Variants in PLEKHA5 observed in about 807,000 individuals in gnomAD.
PLEKHA5 encodes the protein pleckstrin homology domain-containing family A member 5.
Under a neutral mutation model 181.9 loss-of-function variants are expected in PLEKHA5, and 55 were observed. The ratio of observed to expected loss-of-function variants is 0.30; its 90% CI spans 0.24 to 0.38. The LOEUF (loss-of-function observed/expected upper bound fraction) is 0.38. Among genes scored for constraint, PLEKHA5 ranks in the 10% least tolerant of loss-of-function variants. The pLI is 1.00. For missense variants in PLEKHA5, 1,432 were observed against 1,549.5 expected (o/e 0.92, Z 1.27); for synonymous variants, 535 against 529.4 (o/e 1.01, Z -0.15).
In PLEKHA5 at chr12:19,318,537, A is replaced by C. The variant is rs146071396; in HGVS notation, c.2119-1484A>C. On this transcript the variant is annotated intron_variant, in intron 16 of 31. Transcript: ENST00000429027. The stretch of plus-strand genomic sequence containing the variant: ...CTGTTGACTCTGAGATATAGGGTAC[A>C]TTTGATATTTTAATCTAGATGAAAC... Among the ~76,000 whole-genome samples the C allele has an allele frequency of 2.9e-3, 441 of 152,312 alleles. 3 individuals carry two copies. The highest frequency in any genetic ancestry group is 4.6e-3 in the Non-Finnish European group (313 of 68,030).
At chr12:19,287,325 A>C in intron 12 of PLEKHA5, 148 bp from the exon 13 acceptor site, 1 of 667,830 alleles carries the variant, frequency 1.5e-6, no homozygotes, top group Non-Finnish European at 2.7e-6. Context: ...TTTTATGTCA[A>C]GAAATGTTAG....
intron 3 of PLEKHA5, among the ~76,000 whole-genome samples, chr12:19,163,669 C>CCTATCTAT (rs71440393): frequency 0.037 from 5,526 of 150,720 alleles, 122 homozygotes; most frequent in Non-Finnish European, 0.047. Flanking sequence ...GTGTGGTCTT[C>CCTATCTAT]CTATCTATCT....
chr12:19,133,777 T>C (rs2151000746), intron 3 of PLEKHA5, among the ~76,000 whole-genome samples: 1 of 152,080 alleles, frequency 6.6e-6, no homozygotes, highest in South Asian at 2.1e-4. Flanking sequence ...GTGAAATCTT[T>C]TCTTTGGAGA....
At chr12:19,164,200 T>G (rs1281115415) in intron 3 of PLEKHA5, among the ~76,000 whole-genome samples, 1 of 130,776 alleles carries the variant, frequency 7.6e-6, no homozygotes, top group Non-Finnish European at 1.6e-5. Flanking sequence ...TGTTTTTGTT[T>G]TTTTTTTTTT....
At chr12:19,356,662 CTTTT>C (rs57809332) in intron 26 of PLEKHA5, among the ~76,000 whole-genome samples, 273 of 99,844 alleles carry the variant, frequency 2.7e-3, no homozygotes, top group African/African-American at 0.01. Context: ...AGTTGTTTTT[CTTTT>C]TTTTTTTTTT....
intron 3 of PLEKHA5, among the ~76,000 whole-genome samples, chr12:19,229,784 G>C (rs371001436): frequency 6.6e-6 from 1 of 151,376 alleles, no homozygotes; most frequent in Admixed American, 6.6e-5. Context: ...ATTTTACAGA[G>C]AGCTGATTGA....
chr12:19,330,505 G>T (rs1338840530), intron 20 of PLEKHA5, among the ~76,000 whole-genome samples: 1 of 152,022 alleles, frequency 6.6e-6, no homozygotes, highest in African/African-American at 2.4e-5. Flanking sequence ...GTGTAATGAG[G>T]CATGCCATGT....
chr12:19,349,079 G>A (rs946371613), intron 25 of PLEKHA5, among the ~76,000 whole-genome samples: 1 of 131,938 alleles, frequency 7.6e-6, no homozygotes, highest in Non-Finnish European at 1.6e-5. Context: ...TTCTGTTTCT[G>A]GTGGTTGTTT....
At chr12:19,134,234 T>G (rs1020486903) in intron 3 of PLEKHA5, among the ~76,000 whole-genome samples, 1 of 152,114 alleles carries the variant, frequency 6.6e-6, no homozygotes, top group African/African-American at 2.4e-5. Context: ...TATGTTTACT[T>G]AAACAAATTA....
Position 19,283,389 on chromosome 12 carries a change from C to T in PLEKHA5, c.1423C>T (p.Pro475Ser), listed in dbSNP as rs1290156754. 2 of 1,613,800 alleles carry T rather than the reference C, an allele frequency of 1.2e-6. No individual in the cohort carries two copies. Among genetic ancestry groups the T allele is most frequent in the Non-Finnish European group, 1.7e-6 (2 of 1,179,972 alleles). ...RTLPRNSKTR[P>S]ESICSVTPST... is the part of the protein sequence containing the mutation. ...ACTCCCAAGAAACAGCAAGACAAGG[C>T]CTGAAAGTATCTGCAGTGTAACCCC... The change falls in exon 12 of 32, where the codon CCT becomes TCT. Residue 475 changes from proline (P) to serine (S), a missense_variant. Physicochemically the swap from Pro to Ser is moderately conservative, Grantham distance 74. Around this residue, in one of 2 missense-constraint regions of PLEKHA5, gnomAD observed 1,143 missense variants for 1,168.4 expected, o/e 0.98. Transcript: ENST00000429027.
intron 21 of PLEKHA5, among the ~76,000 whole-genome samples, chr12:19,340,284 C>T (rs1360745529): frequency 6.6e-6 from 1 of 152,018 alleles, no homozygotes; most frequent in Non-Finnish European, 1.5e-5. Context: ...AAATTACTAA[C>T]ACGTGTTTGA....
intron 30 of PLEKHA5, among the ~76,000 whole-genome samples, chr12:19,366,863 A>C (rs2153276133): frequency 6.6e-6 from 1 of 152,296 alleles, no homozygotes. Context: ...ATTTTAAAAA[A>C]AACAAGTTGT....
chr12:19,250,308 G>T (rs2064928084), intron 3 of PLEKHA5, among the ~76,000 whole-genome samples: 1 of 152,182 alleles, frequency 6.6e-6, no homozygotes, highest in South Asian at 2.1e-4. Context: ...AATTTGGCCG[G>T]GCGCAGAGGC....
Position 19,132,383 on chromosome 12 carries a change from A to G in PLEKHA5, c.170-10A>G, listed in dbSNP as rs369340164. On this transcript the variant is annotated splice_polypyrimidine_tract_variant and intron_variant, in intron 2 of 31. Transcript: ENST00000429027. ...AAGTAATACTAATTGTAATATATGTATTGTTTTAGATTTGCCTACTGGCTG... is the reference window on the plus strand; with the variant it reads ...AAGTAATACTAATTGTAATATATGTGTTGTTTTAGATTTGCCTACTGGCTG... 13 of 1,344,188 alleles carry G rather than the reference A, an allele frequency of 9.7e-6. No individual in the cohort carries two copies. In the African/African-American group the frequency reaches 1.2e-4, roughly 12 times the overall value. The allele number at this position is 1,344,188 out of a possible 1,614,324, so 83.3% of individuals were successfully genotyped here. A position where few individuals can be genotyped will look rare whatever the true frequency, so the allele number is the denominator to read the frequency against.
intron 15 of PLEKHA5, among the ~76,000 whole-genome samples, chr12:19,304,526 C>T (rs1021096386): frequency 1.2e-4 from 18 of 152,288 alleles, no homozygotes; most frequent in African/African-American, 4.3e-4. Context: ...GATATCAACT[C>T]ATCTGGACCT....
chr12:19,193,057 T>A (rs1414966701), intron 3 of PLEKHA5, among the ~76,000 whole-genome samples: 1 of 152,348 alleles, frequency 6.6e-6, no homozygotes, highest in Middle Eastern at 3.4e-3. Flanking sequence ...TCTGGTCCTG[T>A]ACAGAATAAA....
At chr12:19,329,198 TG>T (rs1197314149) in intron 20 of PLEKHA5, among the ~76,000 whole-genome samples, 1 of 152,222 alleles carries the variant, frequency 6.6e-6, no homozygotes, top group African/African-American at 2.4e-5. Flanking sequence ...TATTTTATCA[TG>T]GTGAATTAAC....
At chr12:19,186,556 A>G (rs1231510659) in intron 3 of PLEKHA5, among the ~76,000 whole-genome samples, 4 of 152,230 alleles carry the variant, frequency 2.6e-5, no homozygotes, top group African/African-American at 2.4e-5. Context: ...AATAATGCCA[A>G]CTACTTTCTA....
intron 6 of PLEKHA5, among the ~76,000 whole-genome samples, chr12:19,258,471 A>G (rs1201363598): frequency 6.6e-6 from 1 of 152,020 alleles, no homozygotes; most frequent in Non-Finnish European, 1.5e-5. Flanking sequence ...TTTTTATTGA[A>G]AGATCATTGA....
Sources: gnomAD v4.1 joint callset for allele counts (sites outside exome capture counted in the v4.1 genomes callset) on GRCh38, gnomAD v4.1.1 for gene constraint, gnomAD v4.1.1 regional missense constraint, MANE v1.5 for transcripts, NCBI Gene and HGNC (gene_info 2026-07-23, HGNC 2026-07-21) for gene names.